NSD3: variants seen among roughly 807,000 people sequenced by gnomAD.
The protein encoded by NSD3 is nuclear receptor binding SET domain protein 3.
A neutral mutation model predicts 160.8 loss-of-function variants in NSD3; 24 were observed. That is an observed-to-expected ratio of 0.15 (90% CI 0.11 to 0.21). The LOEUF (loss-of-function observed/expected upper bound fraction) is 0.21. NSD3 is among the 10% of genes least tolerant of loss of function. NSD3 has a pLI of 1.00. For synonymous variants in NSD3, 520 were observed against 600.0 expected (o/e 0.87, Z 1.95); for missense variants, 1,157 against 1,735.9 (o/e 0.67, Z 5.93).
chr8:38,327,806 G>A (rs935162536), intron 6 of NSD3, among the ~76,000 whole-genome samples: 6 of 152,106 alleles, frequency 3.9e-5, no homozygotes, highest in Admixed American at 1.3e-4. Flanking sequence ...GACCCAATAA[G>A]TAATCCGAAG....
In NSD3 at chr8:38,273,844, A is replaced by G. The variant is rs1808541334; in HGVS notation, c.*1797T>C. ...TACTGGAAGCCCAATGAGTCACCGC[A>G]GAATTAATTGCTGGAGTCAGGCAAA... On this transcript the variant is annotated 3_prime_UTR_variant, in exon 24 of 24. Coordinates refer to ENST00000317025, the MANE Select transcript of NSD3 (RefSeq NM_023034.2). 1 of 152,250 alleles carries G rather than the reference A, an allele frequency of 6.6e-6. No homozygotes were observed. Among genetic ancestry groups the G allele is most frequent in the Admixed American group, 6.5e-5 (1 of 15,276 alleles). 9.4% of individuals were successfully genotyped at this position (152,250 alleles called of 1,614,324 possible).
At chr8:38,378,607 A>G (rs1311869234) in intron 1 of NSD3, among the ~76,000 whole-genome samples, 1 of 152,150 alleles carries the variant, frequency 6.6e-6, no homozygotes, top group Admixed American at 6.5e-5. Flanking sequence ...ATGCCACTGC[A>G]CTCCAGCCTG....
intron 12 of NSD3, among the ~76,000 whole-genome samples, chr8:38,311,856 T>C (rs1809542379): frequency 1.3e-5 from 2 of 152,234 alleles, no homozygotes; most frequent in African/African-American, 4.8e-5. Flanking sequence ...ATGAAATCAC[T>C]GCCACATCCA....
At chr8:38,374,167 C>T (rs953341463) in intron 1 of NSD3, among the ~76,000 whole-genome samples, 5 of 151,340 alleles carry the variant, frequency 3.3e-5, no homozygotes, top group African/African-American at 1.2e-4. Context: ...GTCATAGCTA[C>T]TCCAGAGGAT....
In NSD3 at chr8:38,273,277, TG is replaced by T. The variant is rs1251665073; in HGVS notation, c.*2363del. On this transcript the variant is annotated 3_prime_UTR_variant, in exon 24 of 24. Transcript: ENST00000317025. Reference sequence around the variant, plus strand: ...TCCCAAAGTGCTGGGATTACAGGTGTGAGCCACTGCACCTGGCAGCTATTTT... The same window carrying T: ...TCCCAAAGTGCTGGGATTACAGGTGTAGCCACTGCACCTGGCAGCTATTTT... 6.6e-6 allele frequency: 1 copy of T among 152,340 alleles called. No homozygotes were observed. The highest frequency in any genetic ancestry group is 1.9e-4 in the East Asian group (1 of 5,186). 9.4% of individuals were successfully genotyped at this position (152,340 alleles called of 1,614,324 possible).
At position 38,275,375 on chromosome 8, in the gene NSD3, T is replaced by C. The variant is rs1808573723; in HGVS notation, c.*266A>G. 4 of 365,628 alleles carry C rather than the reference T, an allele frequency of 1.1e-5. No homozygotes were observed. The highest frequency in any genetic ancestry group is 7.3e-5 in the South Asian group (1 of 13,638). 22.6% of individuals were successfully genotyped at this position (365,628 alleles called of 1,614,324 possible). A position where few individuals can be genotyped will look rare whatever the true frequency, so the allele number is the denominator to read the frequency against. On this transcript the variant is annotated 3_prime_UTR_variant, in exon 24 of 24. Coordinates refer to ENST00000317025, the MANE Select transcript of NSD3 (RefSeq NM_023034.2). ...TTTTAACAGCAAAAACATTTCTTTT[T>C]CAAGCTGCAATGGCACTGAAGCACA...
intron 19 of NSD3, among the ~76,000 whole-genome samples, chr8:38,283,681 G>C (rs1168791409): frequency 6.6e-6 from 1 of 152,180 alleles, no homozygotes; most frequent in African/African-American, 2.4e-5. Flanking sequence ...AGTGAGCTCA[G>C]CGAGAAGCAC....
At chr8:38,336,000 C>G (rs10101168) in intron 4 of NSD3, 12 of 151,994 alleles carry the variant, frequency 7.9e-5, no homozygotes, top group African/African-American at 2.4e-4. Context: ...ATTGACAAGA[C>G]GAAAAATGGT....
chr8:38,346,301 T>G (rs1289908962), intron 2 of NSD3, among the ~76,000 whole-genome samples: 2 of 147,784 alleles, frequency 1.4e-5, no homozygotes, highest in Non-Finnish European at 3.0e-5. Context: ...GTATATAGTA[T>G]ATATAGTATA....
chr8:38,315,441 A>T lies in NSD3; in HGVS notation c.2090T>A (p.Met697Lys). The change falls in exon 11 of 24, where the codon ATG (methionine) becomes AAG (lysine). Residue 697 changes from methionine to lysine, a missense_variant. By Grantham distance (95) the Met-to-Lys change is moderately conservative. This residue lies in a region of NSD3 where 437 missense variants were observed against 576.6 expected (regional missense o/e 0.76). Coordinates refer to ENST00000317025, the MANE Select transcript of NSD3 (RefSeq NM_023034.2). ...CTGACATACAGTGTCCTTCTTACTC[A>T]TTCCAGTGCCTCTTCTCGACAAACT... ...DSSLSRRGTG[M>K]SKKDTVCQIC... 6.3e-7 allele frequency: 1 copy of T among 1,597,796 alleles called. No homozygotes were observed. The highest frequency in any genetic ancestry group is 8.5e-7 in the Non-Finnish European group (1 of 1,175,626).
chr8:38,277,301 G>A (rs1808624903), intron 22 of NSD3, among the ~76,000 whole-genome samples: 1 of 152,038 alleles, frequency 6.6e-6, no homozygotes, highest in Admixed American at 6.6e-5. Context: ...TTTTTGAGAT[G>A]GAGTCTCGCT....
chr8:38,355,840 C>T (rs768394378), intron 1 of NSD3, among the ~76,000 whole-genome samples: 2 of 152,200 alleles, frequency 1.3e-5, no homozygotes, highest in Admixed American at 1.3e-4. Flanking sequence ...CTTCACAGAA[C>T]ACCCCTTTGA....
In NSD3 at chr8:38,298,119, T is replaced by A. The variant is rs184295427; in HGVS notation, c.2758+1325A>T. On this transcript the variant is annotated intron_variant, in intron 15 of 23. Coordinates refer to ENST00000317025, the MANE Select transcript of NSD3 (RefSeq NM_023034.2). ...AAGAGAAGTAAGATATGGTTCAAGT[T>A]AAGCAAACAGAGGGCTCAAAATAAT... Among the ~76,000 whole-genome samples the A allele has an allele frequency of 3.3e-3, 498 of 152,284 alleles. 2 individuals are homozygous for A. Among genetic ancestry groups the A allele is most frequent in the Non-Finnish European group, 5.4e-3 (365 of 68,024 alleles).
intron 1 of NSD3, among the ~76,000 whole-genome samples, chr8:38,373,865 A>G (rs1811319353): frequency 7.7e-6 from 1 of 129,950 alleles, no homozygotes; most frequent in Non-Finnish European, 1.6e-5. Flanking sequence ...TGGGAGGACG[A>G]GGTGGGAGGA....
At chr8:38,332,365 G>A (rs1210183542) in intron 4 of NSD3, among the ~76,000 whole-genome samples, 2 of 152,126 alleles carry the variant, frequency 1.3e-5, no homozygotes, top group African/African-American at 4.8e-5. Flanking sequence ...TTGAACTCCT[G>A]GGCTCAAGCA....
At chr8:38,304,541 T>A in intron 14 of NSD3, 46 bp downstream of exon 14, 2 of 1,570,876 alleles carry the variant, frequency 1.3e-6, no homozygotes, top group African/African-American at 1.4e-5. Context: ...TGGAGAAATA[T>A]GCCAATGACC....
intron 12 of NSD3, among the ~76,000 whole-genome samples, chr8:38,311,877 G>T (rs1809542825): frequency 1.3e-5 from 2 of 152,098 alleles, no homozygotes; most frequent in African/African-American, 4.8e-5. Flanking sequence ...TTGTCATGAA[G>T]CTTTTCCTCT....
chr8:38,326,671 G>A, intron 7 of NSD3, 59 bp downstream of exon 7: 1 of 1,487,998 alleles, frequency 6.7e-7, no homozygotes, highest in Middle Eastern at 1.8e-4. Context: ...CCACATTATA[G>A]CAGAACAGAA....
rs374145871 is a variant in NSD3, at chr8:38,295,972, C to T, written c.2759-20G>A. ...TTCCACCTTGAAACAAATAAACAGT[C>T]TTAATAACTGAGAAAAGAGGAGAGA... is the stretch of plus-strand genomic sequence containing the variant. On this transcript the variant is annotated intron_variant, in intron 15 of 23. Transcript: ENST00000317025. The T allele has an allele frequency of 6.3e-7, 1 of 1,588,258 alleles. No individual in the cohort carries two copies. The highest frequency in any genetic ancestry group is 1.4e-5 in the African/African-American group (1 of 73,420).
Sources: allele counts gnomAD v4.1 joint callset (sites outside exome capture counted in the v4.1 genomes callset), GRCh38; gene constraint gnomAD v4.1.1; regional missense constraint gnomAD v4.1.1; transcripts MANE v1.5; gene names NCBI Gene and HGNC (gene_info 2026-07-23, HGNC 2026-07-21).